The following VTI1A variants were observed in gnomAD, a reference collection of about 807,000 sequenced individuals.
VTI1A encodes the protein vesicle transport through interaction with t-SNAREs homolog 1A.
VTI1A carries 22 observed loss-of-function variants against 34.9 expected under a neutral mutation model. That is an observed-to-expected ratio of 0.63 (90% CI 0.45 to 0.90). The LOEUF (loss-of-function observed/expected upper bound fraction) is 0.90. VTI1A is among the 40% of genes least tolerant of loss of function. The pLI is 0.00. For missense variants in VTI1A, 268 were observed against 275.6 expected (o/e 0.97, Z 0.20); for synonymous variants, 87 against 97.3 (o/e 0.89, Z 0.62).
intron 3 of VTI1A, among the ~76,000 whole-genome samples, chr10:112,483,707 A>T (rs557179016): frequency 2.6e-5 from 4 of 152,306 alleles, no homozygotes; most frequent in African/African-American, 9.6e-5. Context: ...GATATTCCAA[A>T]TATCCCGTTG....
intron 5 of VTI1A, among the ~76,000 whole-genome samples, chr10:112,640,490 G>A (rs1174500791): frequency 6.6e-6 from 1 of 151,912 alleles, no homozygotes; most frequent in Admixed American, 6.6e-5. Context: ...TGGGGATCAG[G>A]CATTCCACAG....
chr10:112,853,037 G>C, the VTI1A span, among the ~76,000 whole-genome samples: 1 of 152,122 alleles, frequency 6.6e-6, no homozygotes, highest in Non-Finnish European at 1.5e-5. Flanking sequence ...ACCTGCCTTG[G>C]CTTCCCAAAG....
intron 7 of VTI1A, among the ~76,000 whole-genome samples, chr10:112,760,889 C>CAAAAAAA (rs10592117): frequency 1.1e-5 from 1 of 94,264 alleles, no homozygotes; most frequent in African/African-American, 3.6e-5. Flanking sequence ...ACTCCATCTC[C>CAAAAAAA]AAAAAAAAAA....
chr10:112,487,622 C>G (rs1408714083), intron 3 of VTI1A, among the ~76,000 whole-genome samples: 2 of 152,142 alleles, frequency 1.3e-5, no homozygotes, highest in South Asian at 2.1e-4. Flanking sequence ...TTCACTTACT[C>G]TCACCTAGTT....
At chr10:112,713,525 C>G (rs1849502845) in intron 7 of VTI1A, among the ~76,000 whole-genome samples, 1 of 152,130 alleles carries the variant, frequency 6.6e-6, no homozygotes, top group East Asian at 1.9e-4. Flanking sequence ...GTAACTTGCT[C>G]AAACTCACAC....
intron 7 of VTI1A, among the ~76,000 whole-genome samples, chr10:112,679,940 A>G (rs549992159): frequency 6.6e-6 from 1 of 152,264 alleles, no homozygotes; most frequent in East Asian, 1.9e-4. Context: ...CTAAAAATGT[A>G]TGTGCATATG....
chr10:112,690,272 A>T (rs71483154), intron 7 of VTI1A, among the ~76,000 whole-genome samples: 2,460 of 152,268 alleles, frequency 0.016, 50 homozygotes, highest in Middle Eastern at 0.024. Flanking sequence ...CTCTTGGTAA[A>T]TACTTAGGAG....
At chr10:112,737,876 G>A (rs1275688562) in intron 7 of VTI1A, 1 of 1,062,092 alleles carries the variant, frequency 9.4e-7, no homozygotes, top group East Asian at 5.1e-5. Flanking sequence ...CTGAGCCGTA[G>A]GATCGATGCC....
At chr10:112,698,423 T>C (rs1049871571) in intron 7 of VTI1A, among the ~76,000 whole-genome samples, 4 of 152,198 alleles carry the variant, frequency 2.6e-5, no homozygotes, top group African/African-American at 9.7e-5. Context: ...GAGCACTATG[T>C]CTTTTGGAAA....
intron 7 of VTI1A, among the ~76,000 whole-genome samples, chr10:112,751,496 A>G (rs1851105788): frequency 6.6e-6 from 1 of 151,548 alleles, no homozygotes; most frequent in Admixed American, 6.6e-5. Context: ...AAAAAAAAAA[A>G]AGCCCTGCAA....
At chr10:112,674,274 T>C (rs538783793) in intron 7 of VTI1A, among the ~76,000 whole-genome samples, 8 of 152,318 alleles carry the variant, frequency 5.3e-5, no homozygotes, top group Middle Eastern at 3.4e-3. Context: ...TTTAATCAAG[T>C]GCTTATTCTT....
At chr10:112,844,528 A>G in the VTI1A span, among the ~76,000 whole-genome samples, 2,171 of 152,306 alleles carry the variant, frequency 0.014, 20 homozygotes, top group Non-Finnish European at 0.017. Context: ...CCTCCCGAGT[A>G]GCTGGGATTA....
At chr10:112,497,149 G>A (rs73363101) in intron 3 of VTI1A, among the ~76,000 whole-genome samples, 1 of 151,778 alleles carries the variant, frequency 6.6e-6, no homozygotes. Flanking sequence ...GAAACCTCAT[G>A]TTTAATAAAA....
the VTI1A span, among the ~76,000 whole-genome samples, chr10:112,836,389 A>T: frequency 1.3e-5 from 2 of 152,206 alleles, no homozygotes; most frequent in African/African-American, 4.8e-5. Context: ...AGGGGAAGTG[A>T]CCTGCCCGAG....
chr10:112,803,399 G>C lies in VTI1A; in HGVS notation c.561-11891G>C, dbSNP rs183562938. On this transcript the variant is annotated intron_variant, in intron 7 of 7. Transcript: ENST00000393077. Reference sequence around the variant, plus strand: ...TTCATTTTAGAGAGAAGTGAGTTTGGGTTGGGCTCATTAAGAGGTGGGGCC... The same window carrying C: ...TTCATTTTAGAGAGAAGTGAGTTTGCGTTGGGCTCATTAAGAGGTGGGGCC... Among the ~76,000 whole-genome samples, 6 of 152,318 alleles carry C rather than the reference G, an allele frequency of 3.9e-5. No individual in the cohort carries two copies. The East Asian group carries it at 9.7e-4, about 25-fold the overall frequency.
intron 3 of VTI1A, among the ~76,000 whole-genome samples, chr10:112,508,126 C>T (rs529046591): frequency 3.0e-4 from 46 of 152,302 alleles, no homozygotes; most frequent in African/African-American, 1.1e-3. Flanking sequence ...TTACATAGCC[C>T]TGCCTCTTCT....
At chr10:112,801,717 T>C (rs1852884353) in intron 7 of VTI1A, among the ~76,000 whole-genome samples, 1 of 152,228 alleles carries the variant, frequency 6.6e-6, no homozygotes, top group South Asian at 2.1e-4. Flanking sequence ...TGCCATTCTT[T>C]CTGTCTCATA....
chr10:112,833,892 T>A, the VTI1A span, among the ~76,000 whole-genome samples: 12 of 152,164 alleles, frequency 7.9e-5, no homozygotes, highest in African/African-American at 2.9e-4. Flanking sequence ...GCTGACTCCA[T>A]CTTCTATCCC....
At chr10:112,760,951 A>G (rs1269971454) in intron 7 of VTI1A, among the ~76,000 whole-genome samples, 1 of 152,044 alleles carries the variant, frequency 6.6e-6, no homozygotes, top group East Asian at 1.9e-4. Context: ...GATGTATAAT[A>G]TTAACTTCAC....
Sources: allele counts gnomAD v4.1 joint callset (sites outside exome capture counted in the v4.1 genomes callset), GRCh38; gene constraint gnomAD v4.1.1; transcripts MANE v1.5; gene names NCBI Gene and HGNC (gene_info 2026-07-23, HGNC 2026-07-21).